Variants in LRPPRC observed in about 807,000 individuals in gnomAD.
The protein encoded by LRPPRC is leucine-rich PPR motif-containing protein, mitochondrial.
Under a neutral mutation model 180.3 loss-of-function variants are expected in LRPPRC, and 120 were observed. The ratio of observed to expected loss-of-function variants is 0.67; its 90% CI spans 0.57 to 0.77. The LOEUF (loss-of-function observed/expected upper bound fraction) is 0.77. LRPPRC is among the 30% of genes least tolerant of loss of function. The pLI is 0.00. For synonymous variants in LRPPRC, 723 were observed against 600.0 expected, an observed-to-expected ratio of 1.21 and a Z score of -3.00; for missense variants, 2,012 against 1,657.2, an observed-to-expected ratio of 1.21 and a Z score of -3.72.
rs1312919933 is a variant in LRPPRC at position 43,943,869 on chromosome 2, C to A, written c.2322G>T (p.Met774Ile). The part of the protein sequence containing the change: ...LQDAINILKE[M>I]KEKDVLIKDT... ...CTTTGATAAGAACATCCTTCTCTTT[C>A]ATCTCCTTCAGAATGTTAATAGCAT... is the stretch of plus-strand genomic sequence containing the variant. The change falls in exon 23 of 38, where the codon ATG becomes ATT. Residue 774 changes from methionine to isoleucine, a missense_variant. Transcript: ENST00000260665. 6.2e-7 allele frequency: 1 copy of A among 1,612,926 alleles called. No homozygotes were observed. Among genetic ancestry groups the A allele is most frequent in the South Asian group, 1.1e-5 (1 of 91,056 alleles).
At chr2:43,916,989 A>C (rs1572914760) in intron 29 of LRPPRC, among the ~76,000 whole-genome samples, 2 of 141,080 alleles carry the variant, frequency 1.4e-5, no homozygotes, top group African/African-American at 2.6e-5. Context: ...AATGAACCTC[A>C]CCTTCCATAT....
At chr2:43,961,836 C>T (rs1290168632) in intron 12 of LRPPRC, among the ~76,000 whole-genome samples, 1 of 152,120 alleles carries the variant, frequency 6.6e-6, no homozygotes, top group Non-Finnish European at 1.5e-5. Context: ...TGGTGGGCAC[C>T]TGTAATCCCA....
intron 25 of LRPPRC, among the ~76,000 whole-genome samples, chr2:43,930,767 A>C (rs1255207540): frequency 6.6e-6 from 1 of 152,084 alleles, no homozygotes; most frequent in Non-Finnish European, 1.5e-5. Flanking sequence ...TAAGGATGGG[A>C]CCTCCTTTAT....
chr2:43,978,035 C>T (rs1391710883), intron 3 of LRPPRC, among the ~76,000 whole-genome samples: 4 of 152,092 alleles, frequency 2.6e-5, no homozygotes, highest in Non-Finnish European at 5.9e-5. Context: ...TAAATTAATA[C>T]ACATTTTTAT....
intron 8 of LRPPRC, among the ~76,000 whole-genome samples, 156 bp from the exon 9 acceptor site, chr2:43,974,451 C>T (rs1455845080): frequency 6.6e-6 from 1 of 152,118 alleles, no homozygotes; most frequent in African/African-American, 2.4e-5. Context: ...CAAATCATCC[C>T]CATGTGTTCA....
chr2:43,925,530 C>T lies in LRPPRC; in HGVS notation c.2805+363G>A, dbSNP rs531788224. Reference sequence around the variant, plus strand: ...CACTCTTCTTGCCCTGTGGCTTTTACTTGGCATGGTGCAAACAGGTACCTG... The same window carrying T: ...CACTCTTCTTGCCCTGTGGCTTTTATTTGGCATGGTGCAAACAGGTACCTG... On this transcript the variant is annotated intron_variant, in intron 26 of 37. Coordinates refer to ENST00000260665, the MANE Select transcript of LRPPRC (RefSeq NM_133259.4). Among the ~76,000 whole-genome samples the T allele has an allele frequency of 5.9e-5, 9 of 152,212 alleles. No individual in the cohort carries two copies. In the South Asian group the frequency reaches 1.9e-3, roughly 32 times the overall value.
chr2:43,926,612 C>A (rs1229776299), intron 25 of LRPPRC, among the ~76,000 whole-genome samples: 1 of 152,162 alleles, frequency 6.6e-6, no homozygotes, highest in African/African-American at 2.4e-5. Context: ...AGTGATCTGC[C>A]CACCTCAGCG....
chr2:43,929,504 G>A (rs914864839), intron 25 of LRPPRC, among the ~76,000 whole-genome samples: 3 of 152,116 alleles, frequency 2.0e-5, no homozygotes, highest in African/African-American at 4.8e-5. Flanking sequence ...AAGCATTCAT[G>A]ACATACCTTT....
Position 43,888,194 on chromosome 2 carries a change from T to C in LRPPRC, c.*406A>G, listed in dbSNP as rs1670339863. ...TGTACGGAATGGCTGTATCACAGAA[T>C]ATTATGCGTTAGAAAGTTCACGGTC... On this transcript the variant is annotated 3_prime_UTR_variant, in exon 38 of 38. Coordinates refer to ENST00000260665, the MANE Select transcript of LRPPRC (RefSeq NM_133259.4). 1 of 237,824 alleles carries C rather than the reference T, an allele frequency of 4.2e-6. No homozygotes were observed. Among genetic ancestry groups the C allele is most frequent in the Admixed American group, 5.2e-5 (1 of 19,178 alleles). The allele number at this position is 237,824 out of a possible 1,614,324, so 14.7% of individuals were successfully genotyped here.
At chr2:43,907,973 T>A (rs1218045884) in intron 30 of LRPPRC, among the ~76,000 whole-genome samples, 1 of 152,144 alleles carries the variant, frequency 6.6e-6, no homozygotes, top group African/African-American at 2.4e-5. Flanking sequence ...GCATGAGAAG[T>A]GAGCTTTCAT....
At chr2:43,920,078 T>TAAA (rs1558941077) in intron 27 of LRPPRC, among the ~76,000 whole-genome samples, 38 of 69,556 alleles carry the variant, frequency 5.5e-4, no homozygotes, top group Middle Eastern at 6.3e-3. Context: ...AATCAGCAAT[T>TAAA]TAAAAAAAAA....
chr2:43,923,812 A>G (rs1382022473), intron 27 of LRPPRC, among the ~76,000 whole-genome samples: 2 of 152,100 alleles, frequency 1.3e-5, no homozygotes, highest in African/African-American at 4.8e-5. Flanking sequence ...AACTTGGCAC[A>G]TTAGAATTTC....
chr2:43,918,976 C>T (rs1024682434), intron 27 of LRPPRC, among the ~76,000 whole-genome samples: 1 of 151,856 alleles, frequency 6.6e-6, no homozygotes, highest in African/African-American at 2.4e-5. Flanking sequence ...ATACATATAT[C>T]TATGATCTTT....
chr2:43,952,980 T>G (rs1406919872), intron 14 of LRPPRC, among the ~76,000 whole-genome samples: 4 of 152,250 alleles, frequency 2.6e-5, no homozygotes, highest in Non-Finnish European at 4.4e-5. Context: ...TAAAGACCCC[T>G]GGGCTACCAT....
chr2:43,984,859 G>A (rs928902061), intron 1 of LRPPRC, among the ~76,000 whole-genome samples: 3 of 152,118 alleles, frequency 2.0e-5, no homozygotes, highest in African/African-American at 2.4e-5. Flanking sequence ...GTATCATACT[G>A]GCTCCTTTAC....
intron 1 of LRPPRC, among the ~76,000 whole-genome samples, chr2:43,993,770 ATATCAGACAAGTGAGGTGTGCC>A (rs1356266833): frequency 6.3e-4 from 96 of 151,808 alleles, no homozygotes; most frequent in Non-Finnish European, 1.2e-3. Context: ...ATAAGTAATG[ATATCAGACAAGTGAGGTGTGCC>A]ACGAATAAAT....
chr2:43,900,684 TCC>T (rs1558904596), intron 32 of LRPPRC, among the ~76,000 whole-genome samples: 2 of 152,168 alleles, frequency 1.3e-5, no homozygotes, highest in East Asian at 3.8e-4. Context: ...TAATATCATG[TCC>T]CATTAAATGT....
chr2:43,944,180 T>C (rs1672595335), intron 22 of LRPPRC, among the ~76,000 whole-genome samples: 1 of 152,092 alleles, frequency 6.6e-6, no homozygotes, highest in Admixed American at 6.6e-5. Context: ...AAGATCCTCC[T>C]AAATGGATGC....
chr2:43,979,824 A>G lies in LRPPRC; in HGVS notation c.469+2T>C. 2 of 1,612,832 alleles carry G rather than the reference A, an allele frequency of 1.2e-6. No individual in the cohort carries two copies. The highest frequency in any genetic ancestry group is 1.7e-6 in the Non-Finnish European group (2 of 1,178,912). Reference sequence around the variant, plus strand: ...ACACATCATATATTTAAACAATCATACCTAATTTCTGAAGTGTGTCCCATA... The same window carrying G: ...ACACATCATATATTTAAACAATCATGCCTAATTTCTGAAGTGTGTCCCATA... On this transcript the variant is annotated splice_donor_variant, in intron 3 of 37. Coordinates refer to ENST00000260665, the MANE Select transcript of LRPPRC (RefSeq NM_133259.4). LOFTEE classifies it high-confidence loss of function.
Sources: allele counts gnomAD v4.1 joint callset (sites outside exome capture counted in the v4.1 genomes callset), GRCh38; gene constraint gnomAD v4.1.1; transcripts MANE v1.5; gene names NCBI Gene and HGNC (gene_info 2026-07-23, HGNC 2026-07-21).